The following STARD13 variants were observed in gnomAD, a reference collection of about 807,000 sequenced individuals.
STARD13 encodes the protein stAR-related lipid transfer protein 13.
STARD13 carries 62 observed loss-of-function variants against 106.4 expected under a neutral mutation model. That is an observed-to-expected ratio of 0.58 (90% CI 0.48 to 0.72). STARD13 has a LOEUF of 0.72. Among genes scored for constraint, STARD13 ranks in the 30% least tolerant of loss-of-function variants. STARD13 has a pLI of 0.00. For synonymous variants in STARD13, 565 were observed against 553.0 expected (o/e 1.02, Z -0.31); for missense variants, 1,387 against 1,424.0 (o/e 0.97, Z 0.42).
the STARD13 span, among the ~76,000 whole-genome samples, chr13:33,436,043 T>C: frequency 6.6e-6 from 1 of 152,232 alleles, no homozygotes; most frequent in Non-Finnish European, 1.5e-5. Context: ...TTCTTGATAA[T>C]GTGCCTAACA....
At chr13:33,355,755 A>T in the STARD13 span, 1 of 152,210 alleles carries the variant, frequency 6.6e-6, no homozygotes, top group Non-Finnish European at 1.5e-5. Flanking sequence ...TGACTTTTCA[A>T]GCTGGGTCCT....
chr13:33,148,143 A>T (rs964496542), intron 3 of STARD13, among the ~76,000 whole-genome samples: 14 of 152,244 alleles, frequency 9.2e-5, no homozygotes, highest in African/African-American at 3.4e-4. Context: ...GAAAATCTAC[A>T]TGACTTTGAA....
chr13:33,464,024 C>CATAT, the STARD13 span, among the ~76,000 whole-genome samples: 4,644 of 112,550 alleles, frequency 0.041, 286 homozygotes, highest in Non-Finnish European at 0.068. Context: ...AAAAAAAATA[C>CATAT]ATATATATAT....
chr13:33,208,048 G>A (rs976785687), intron 1 of STARD13, among the ~76,000 whole-genome samples: 3 of 152,146 alleles, frequency 2.0e-5, no homozygotes, highest in African/African-American at 7.2e-5. Context: ...TTGGGTAAGA[G>A]AATTTGTCAA....
intron 11 of STARD13, among the ~76,000 whole-genome samples, chr13:33,110,359 A>C (rs1485207501): frequency 6.6e-6 from 1 of 152,188 alleles, no homozygotes; most frequent in East Asian, 1.9e-4. Context: ...TTGGTTTGTA[A>C]ATTAGCCTTC....
chr13:33,563,593 C>T, the STARD13 span, among the ~76,000 whole-genome samples: 1 of 147,246 alleles, frequency 6.8e-6, no homozygotes, highest in Admixed American at 6.9e-5. Context: ...GTATAAAAGA[C>T]TCAAATATAA....
intron 1 of STARD13, among the ~76,000 whole-genome samples, chr13:33,298,885 C>T (rs1376506930): frequency 6.6e-6 from 1 of 152,204 alleles, no homozygotes; most frequent in Non-Finnish European, 1.5e-5. Context: ...ATAGCTATCC[C>T]TGGTTTTAAA....
chr13:33,345,017 A>G (rs2078003442), downstream of STARD13, among the ~76,000 whole-genome samples: 1 of 152,232 alleles, frequency 6.6e-6, no homozygotes, highest in Non-Finnish European at 1.5e-5. Flanking sequence ...TGATGCCATA[A>G]AAGTTTAGAA....
chr13:33,364,359 A>C, the STARD13 span, among the ~76,000 whole-genome samples: 1 of 152,206 alleles, frequency 6.6e-6, no homozygotes, highest in Non-Finnish European at 1.5e-5. Context: ...CCAGAGTGGG[A>C]GTTTGGAGTG....
intron 1 of STARD13, among the ~76,000 whole-genome samples, chr13:33,242,799 TG>T (rs1160618559): frequency 6.6e-6 from 1 of 152,184 alleles, no homozygotes; most frequent in African/African-American, 2.4e-5. Flanking sequence ...AATAGTTTTA[TG>T]GTTAAAACTA....
chr13:33,553,446 A>C, the STARD13 span, among the ~76,000 whole-genome samples: 1 of 152,026 alleles, frequency 6.6e-6, no homozygotes, highest in Admixed American at 6.6e-5. Context: ...GAATATAAGT[A>C]TATAAGCAAA....
At chr13:33,204,811 C>T (rs953371926) in intron 1 of STARD13, among the ~76,000 whole-genome samples, 1 of 152,250 alleles carries the variant, frequency 6.6e-6, no homozygotes, top group African/African-American at 2.4e-5. Context: ...CACACATGCT[C>T]CAGAGCTCTG....
At chr13:33,672,118 A>G in the STARD13 span, among the ~76,000 whole-genome samples, 1 of 152,226 alleles carries the variant, frequency 6.6e-6, no homozygotes, top group African/African-American at 2.4e-5. Context: ...GAACCAACCC[A>G]AATGCCCATC....
At chr13:33,293,333 G>T (rs1007729362) in intron 1 of STARD13, among the ~76,000 whole-genome samples, 1 of 152,114 alleles carries the variant, frequency 6.6e-6, no homozygotes, top group Non-Finnish European at 1.5e-5. Flanking sequence ...GTAGCGATTG[G>T]TTGAACAAAT....
At chr13:33,469,329 C>G in the STARD13 span, among the ~76,000 whole-genome samples, 2 of 152,108 alleles carry the variant, frequency 1.3e-5, no homozygotes, top group South Asian at 4.1e-4. Context: ...ATGGCCACTT[C>G]CCATTATAAT....
At chr13:33,261,876 C>A (rs1890655724) in intron 1 of STARD13, among the ~76,000 whole-genome samples, 1 of 152,148 alleles carries the variant, frequency 6.6e-6, no homozygotes, top group Non-Finnish European at 1.5e-5. Flanking sequence ...ACACTGTATG[C>A]ACGGGTTGCT....
At chr13:33,387,465 G>A in the STARD13 span, among the ~76,000 whole-genome samples, 10 of 152,246 alleles carry the variant, frequency 6.6e-5, no homozygotes, top group African/African-American at 1.4e-4. Flanking sequence ...ACAAAAAACC[G>A]TGGTGACTTG....
rs761445687 is a variant in STARD13 at position 33,110,782 on chromosome 13, G to C, written c.2733C>G (p.Asn911Lys). 2 of 1,614,192 alleles carry C rather than the reference G, an allele frequency of 1.2e-6. No individual in the cohort carries two copies. Among genetic ancestry groups the C allele is most frequent in the African/African-American group, 1.3e-5 (1 of 75,054 alleles). ...ESGATFHTYL[N>K]HLIQGLQKEA... ...CTTTCTGGAGGCCCTGGATGAGATG[G>C]TTCAGGTAAGTGTGGAAAGTTGCCC... is the stretch of plus-strand genomic sequence containing the variant. Residue 911 changes from asparagine (N) to lysine (K), a missense_variant, in exon 11 of 14, where the codon AAC (asparagine) becomes AAG (lysine). Asn to Lys is a moderately conservative substitution (Grantham distance 94). Transcript: ENST00000336934.
intron 11 of STARD13, 29 bp downstream of exon 11, chr13:33,110,657 G>A: frequency 6.3e-7 from 1 of 1,578,524 alleles, no homozygotes; most frequent in Non-Finnish European, 8.7e-7. Flanking sequence ...GCTTTCTGGG[G>A]GTGATCTTTT....
Sources: gnomAD v4.1 joint callset for allele counts (sites outside exome capture counted in the v4.1 genomes callset) on GRCh38, gnomAD v4.1.1 for gene constraint, MANE v1.5 for transcripts, NCBI Gene and HGNC (gene_info 2026-07-23, HGNC 2026-07-21) for gene names.